Variants in TBX15 observed in about 807,000 individuals in gnomAD.
The protein encoded by TBX15 is T-box transcription factor 15, also known as T-box transcription factor TBX15.
Under a neutral mutation model 53.9 loss-of-function variants are expected in TBX15, and 18 were observed. The ratio of observed to expected loss-of-function variants is 0.33; its 90% CI spans 0.23 to 0.49. The LOEUF is 0.49. Ranked by LOEUF, TBX15 falls within the 20% of genes least tolerant of loss-of-function variation. The pLI is 0.98. For synonymous variants in TBX15, 295 were observed against 278.0 expected, an observed-to-expected ratio of 1.06 and a Z score of -0.61; for missense variants, 692 against 749.5, an observed-to-expected ratio of 0.92 and a Z score of 0.90.
rs1655785814 is a variant in TBX15 at position 118,931,705 on chromosome 1, C to T, written c.333G>A (p.Glu111=). Residue 111 remains glutamate, a synonymous_variant, in exon 2 of 8, where the codon GAG becomes GAA. Coordinates refer to ENST00000369429, the MANE Select transcript of TBX15 (RefSeq NM_001330677.2). The part of the protein sequence containing the change: ...GPVPAAMSSM[E]EIQVELQCAD... ...CACATTGCAGCTCCACCTGAATCTC[C>T]TCCATGGAAGACATGGCAGCAGGCA... 1 of 1,614,104 alleles carries T rather than the reference C, an allele frequency of 6.2e-7. No individual in the cohort carries two copies. Among genetic ancestry groups the T allele is most frequent in the Non-Finnish European group, 8.5e-7 (1 of 1,179,988 alleles).
chr1:118,887,897 T>C (rs1557869835), intron 7 of TBX15, among the ~76,000 whole-genome samples: 1 of 152,172 alleles, frequency 6.6e-6, no homozygotes, highest in Non-Finnish European at 1.5e-5. Context: ...GTTGTTATTA[T>C]AATAGTTTCT....
At chr1:118,940,989 TG>T (rs1406587779) in intron 1 of TBX15, among the ~76,000 whole-genome samples, 1 of 149,782 alleles carries the variant, frequency 6.7e-6, no homozygotes, top group Admixed American at 6.6e-5. Flanking sequence ...ATAAACTGGG[TG>T]GTCTTCAAGA....
chr1:118,888,538 T>G (rs574229386), intron 7 of TBX15, among the ~76,000 whole-genome samples: 2 of 152,350 alleles, frequency 1.3e-5, no homozygotes, highest in South Asian at 4.1e-4. Flanking sequence ...CTTTGAGGCA[T>G]CCTACACATT....
chr1:118,917,773 G>T (rs1359471837), intron 5 of TBX15, among the ~76,000 whole-genome samples: 1 of 152,020 alleles, frequency 6.6e-6, no homozygotes, highest in African/African-American at 2.4e-5. Flanking sequence ...CACCCCATTT[G>T]GTCTTCGTTA....
chr1:118,981,681 C>T (rs535129883), intron 1 of TBX15, among the ~76,000 whole-genome samples: 1 of 152,294 alleles, frequency 6.6e-6, no homozygotes, highest in Non-Finnish European at 1.5e-5. Flanking sequence ...TCTTGAATTC[C>T]CCTTTTCCCA....
chr1:118,963,267 G>A (rs1195250060), intron 1 of TBX15, among the ~76,000 whole-genome samples: 1 of 152,156 alleles, frequency 6.6e-6, no homozygotes, highest in Non-Finnish European at 1.5e-5. Flanking sequence ...GTTGATTTAG[G>A]ACACTGTTTT....
rs115231484 is a variant in TBX15 at position 118,884,261 on chromosome 1, T to A, written c.*471A>T. 1,653 of 174,288 alleles carry A rather than the reference T, an allele frequency of 9.5e-3. 30 individuals carry two copies. The highest frequency in any genetic ancestry group is 0.038 in the African/African-American group (1,581 of 41,760). The allele number at this position is 174,288 out of a possible 1,614,324, so 10.8% of individuals were successfully genotyped here. Reference sequence around the variant, plus strand: ...TGAAAGCACCCATTCTGGGCCTCCCTCCACAGAGTTCACCCAGTTCAGAGT... The same window carrying A: ...TGAAAGCACCCATTCTGGGCCTCCCACCACAGAGTTCACCCAGTTCAGAGT... On this transcript the variant is annotated 3_prime_UTR_variant, in exon 8 of 8. Transcript: ENST00000369429.
rs114919753 is a variant in TBX15 at position 118,935,531 on chromosome 1, T to C, written c.206-3699A>G. On this transcript the variant is annotated intron_variant, in intron 1 of 7. Coordinates refer to ENST00000369429, the MANE Select transcript of TBX15 (RefSeq NM_001330677.2). ...TAAATCAGGAACATAAAATGTTACA[T>C]GTAACCAAGGCAGCTAAAGGAGAAA... is the stretch of plus-strand genomic sequence containing the variant. 5.8e-3 allele frequency among the ~76,000 whole-genome samples: 877 copies of C among 152,292 alleles called. 4 individuals carry two copies. The highest frequency in any genetic ancestry group is 9.1e-3 in the Non-Finnish European group (622 of 68,002).
At chr1:118,901,310 G>T in intron 6 of TBX15, 2 of 455,958 alleles carry the variant, frequency 4.4e-6, no homozygotes, top group Non-Finnish European at 8.8e-6. Context: ...AGAGAGAAAG[G>T]CACCAAACTT....
At chr1:118,981,409 G>A (rs1657649527) in intron 1 of TBX15, among the ~76,000 whole-genome samples, 3 of 151,942 alleles carry the variant, frequency 2.0e-5, no homozygotes, top group Admixed American at 2.0e-4. Flanking sequence ...TAGATATAGT[G>A]TTCTGGTGAT....
chr1:118,957,812 T>C (rs1254370765), intron 1 of TBX15, among the ~76,000 whole-genome samples: 1 of 152,218 alleles, frequency 6.6e-6, no homozygotes, highest in Non-Finnish European at 1.5e-5. Flanking sequence ...CATCCTTTTT[T>C]ATGGCTGCAT....
chr1:118,920,667 T>G (rs1455995777), intron 5 of TBX15, among the ~76,000 whole-genome samples: 1 of 152,154 alleles, frequency 6.6e-6, no homozygotes, highest in African/African-American at 2.4e-5. Flanking sequence ...TTTACAATGA[T>G]GTATAGGATG....
At chr1:118,908,181 G>A (rs916192435) in intron 6 of TBX15, among the ~76,000 whole-genome samples, 2 of 152,044 alleles carry the variant, frequency 1.3e-5, no homozygotes, top group Admixed American at 1.3e-4. Context: ...TAGAGCTCCT[G>A]ATTTTTAATT....
At chr1:118,968,218 T>C (rs951350168) in intron 1 of TBX15, among the ~76,000 whole-genome samples, 2 of 151,974 alleles carry the variant, frequency 1.3e-5, no homozygotes, top group Non-Finnish European at 2.9e-5. Context: ...GGACTTTTTC[T>C]TTTTTTTCTA....
Position 118,950,341 on chromosome 1 carries a change from T to C in TBX15, c.206-18509A>G, listed in dbSNP as rs569146501. On this transcript the variant is annotated intron_variant, in intron 1 of 7. Transcript: ENST00000369429. ...TCACTGAGAAGAGACAAAGACAGGA[T>C]TGAGGATGCAGAATCCAAGATGAAG... 1.1e-4 allele frequency among the ~76,000 whole-genome samples: 16 copies of C among 152,248 alleles called. No individual in the cohort carries two copies. In the South Asian group the frequency reaches 3.1e-3, roughly 30 times the overall value.
intron 1 of TBX15, among the ~76,000 whole-genome samples, chr1:118,939,366 T>G (rs1466472589): frequency 1.6e-5 from 2 of 125,064 alleles, no homozygotes; most frequent in Non-Finnish European, 3.1e-5. Context: ...TGTGATGGCA[T>G]CACTGTACTC....
At chr1:118,985,208 T>C (rs1657789911) in intron 1 of TBX15, among the ~76,000 whole-genome samples, 1 of 152,124 alleles carries the variant, frequency 6.6e-6, no homozygotes, top group South Asian at 2.1e-4. Context: ...CGCAGCGGCT[T>C]CTGGGCCCTA....
chr1:118,954,253 G>T (rs1237575902), intron 1 of TBX15, among the ~76,000 whole-genome samples: 1 of 152,140 alleles, frequency 6.6e-6, no homozygotes, highest in Non-Finnish European at 1.5e-5. Flanking sequence ...GCTTGGAGTG[G>T]GTGGCATATC....
Position 118,987,929 on chromosome 1 carries a change from C to A in TBX15, c.-134G>T. Reference sequence around the variant, plus strand: ...GTCGGACGAGGCTGAGACTGCGGCTCGCGGGTCTCTCCACCCTCCCCCTGC... The same window carrying A: ...GTCGGACGAGGCTGAGACTGCGGCTAGCGGGTCTCTCCACCCTCCCCCTGC... On this transcript the variant is annotated 5_prime_UTR_variant, in exon 1 of 8. Coordinates refer to ENST00000369429, the MANE Select transcript of TBX15 (RefSeq NM_001330677.2). 1 of 1,123,178 alleles carries A rather than the reference C, an allele frequency of 8.9e-7. No individual in the cohort carries two copies. Among genetic ancestry groups the A allele is most frequent in the Non-Finnish European group, 1.3e-6 (1 of 799,948 alleles). 69.6% of individuals were successfully genotyped at this position (1,123,178 alleles called of 1,614,324 possible). A position where few individuals can be genotyped will look rare whatever the true frequency, so the allele number is the denominator to read the frequency against.
Sources: gnomAD v4.1 joint callset for allele counts (sites outside exome capture counted in the v4.1 genomes callset) on GRCh38, gnomAD v4.1.1 for gene constraint, MANE v1.5 for transcripts, NCBI Gene and HGNC (gene_info 2026-07-23, HGNC 2026-07-21) for gene names.